The following AUTS2 variants were observed in gnomAD, a reference collection of about 807,000 sequenced individuals.
AUTS2 encodes activator of transcription and developmental regulator AUTS2.
Under a neutral mutation model 112.4 loss-of-function variants are expected in AUTS2, and 17 were observed. The ratio of observed to expected loss-of-function variants is 0.15; its 90% CI spans 0.10 to 0.23. AUTS2 has a LOEUF of 0.23. Ranked by LOEUF, AUTS2 falls within the 10% of genes least tolerant of loss-of-function variation. The pLI is 1.00. For synonymous variants in AUTS2, 751 were observed against 702.7 expected (o/e 1.07, Z -1.09); for missense variants, 1,510 against 1,701.6 (o/e 0.89, Z 1.98).
chr7:70,658,474 A>G (rs1306036594), intron 5 of AUTS2, among the ~76,000 whole-genome samples: 1 of 152,226 alleles, frequency 6.6e-6, no homozygotes, highest in African/African-American at 2.4e-5. Context: ...CACGGGGCTG[A>G]TCCGCTTTGA....
At chr7:69,868,032 A>C (rs1793313590) in intron 1 of AUTS2, among the ~76,000 whole-genome samples, 1 of 152,150 alleles carries the variant, frequency 6.6e-6, no homozygotes, top group South Asian at 2.1e-4. Context: ...ATATATTTGA[A>C]ATAAAAATAA....
At chr7:70,191,286 G>A (rs1809876284) in intron 4 of AUTS2, among the ~76,000 whole-genome samples, 1 of 146,404 alleles carries the variant, frequency 6.8e-6, no homozygotes, top group Admixed American at 7.1e-5. Context: ...TCCCACCTCA[G>A]CCTCCCTAGT....
intron 4 of AUTS2, among the ~76,000 whole-genome samples, chr7:70,353,983 T>C (rs920941895): frequency 1.3e-5 from 2 of 152,256 alleles, no homozygotes; most frequent in Non-Finnish European, 2.9e-5. Context: ...TTCCTTGGTG[T>C]GAGTTATTAG....
chr7:70,140,977 G>A (rs1192734238), intron 4 of AUTS2, among the ~76,000 whole-genome samples: 2 of 152,150 alleles, frequency 1.3e-5, no homozygotes, highest in Non-Finnish European at 2.9e-5. Context: ...ATATGTAGCT[G>A]AATTTGAAGC....
chr7:70,332,304 A>G (rs1790790348), intron 4 of AUTS2, among the ~76,000 whole-genome samples: 1 of 152,226 alleles, frequency 6.6e-6, no homozygotes, highest in Non-Finnish European at 1.5e-5. Context: ...TGTTCATAGA[A>G]ATAAGAGAGG....
intron 6 of AUTS2, among the ~76,000 whole-genome samples, chr7:70,735,788 C>G (rs1787747397): frequency 6.6e-6 from 1 of 152,142 alleles, no homozygotes; most frequent in Admixed American, 6.5e-5. Context: ...AGGCAATGTT[C>G]CATTCCCCCG....
chr7:70,711,396 A>T (rs528617199), intron 6 of AUTS2, among the ~76,000 whole-genome samples: 1 of 152,314 alleles, frequency 6.6e-6, no homozygotes, highest in African/African-American at 2.4e-5. Context: ...CTAGCACCTA[A>T]CTGACAAAAT....
chr7:70,221,614 C>T (rs936681547), intron 4 of AUTS2, among the ~76,000 whole-genome samples: 5 of 152,182 alleles, frequency 3.3e-5, no homozygotes, highest in South Asian at 4.1e-4. Flanking sequence ...ACCTATCATT[C>T]GGTGACTCAC....
At chr7:70,660,759 T>G (rs111259679) in intron 5 of AUTS2, among the ~76,000 whole-genome samples, 1,738 of 152,326 alleles carry the variant, frequency 0.011, 36 homozygotes, top group African/African-American at 0.04. Flanking sequence ...TCTGGGGCTT[T>G]GTCATGCTAT....
chr7:70,148,107 C>G (rs1380530238), intron 4 of AUTS2, among the ~76,000 whole-genome samples: 2 of 151,980 alleles, frequency 1.3e-5, no homozygotes, highest in African/African-American at 2.4e-5. Flanking sequence ...ATGAGCATTA[C>G]TCACAAATAG....
chr7:70,077,419 T>C (rs928696915), intron 2 of AUTS2, among the ~76,000 whole-genome samples: 1 of 152,284 alleles, frequency 6.6e-6, no homozygotes, highest in Non-Finnish European at 1.5e-5. Context: ...TACACAGTGT[T>C]CCATATATGT....
At chr7:69,857,115 G>C (rs1792763362) in intron 1 of AUTS2, among the ~76,000 whole-genome samples, 2 of 152,116 alleles carry the variant, frequency 1.3e-5, no homozygotes, top group African/African-American at 4.8e-5. Context: ...AGGCACCTTG[G>C]AGTGATGGAA....
At position 70,162,221 on chromosome 7, in the gene AUTS2, C is replaced by A. The variant is rs868215503; in HGVS notation, c.660+27650C>A. Among the ~76,000 whole-genome samples the A allele has an allele frequency of 1.3e-5, 2 of 151,266 alleles. 1 individual carries two copies. The highest frequency in any genetic ancestry group is 6.9e-3 in the Middle Eastern group (2 of 290). On this transcript the variant is annotated intron_variant, in intron 4 of 18. Coordinates refer to ENST00000342771, the MANE Select transcript of AUTS2 (RefSeq NM_015570.4). ...CAGCACTTTGGGAGGCCGAGGCGGG[C>A]GGATCACGAGGTCAGGAGATCGAGA...
At chr7:70,052,216 A>G (rs551533365) in intron 2 of AUTS2, among the ~76,000 whole-genome samples, 1 of 152,296 alleles carries the variant, frequency 6.6e-6, no homozygotes, top group East Asian at 1.9e-4. Context: ...ATCATTGCCT[A>G]CTTTCAGTGG....
intron 2 of AUTS2, among the ~76,000 whole-genome samples, chr7:70,050,373 A>AT (rs1443720813): frequency 6.6e-6 from 1 of 151,226 alleles, no homozygotes; most frequent in Non-Finnish European, 1.5e-5. Context: ...AAAAAAAAAA[A>AT]AAAAAATTAG....
Position 70,399,904 on chromosome 7 carries a change from G to A in AUTS2, c.661-35848G>A, listed in dbSNP as rs116929267. ...ACTCAGATTTAGTGTGCGGTGGTAA[G>A]CTATTCAGAGAGTGGAAACAATTAG... On this transcript the variant is annotated intron_variant, in intron 4 of 18. Coordinates refer to ENST00000342771, the MANE Select transcript of AUTS2 (RefSeq NM_015570.4). 6.1e-3 allele frequency among the ~76,000 whole-genome samples: 931 copies of A among 152,312 alleles called. 6 individuals are homozygous for A. The highest frequency in any genetic ancestry group is 0.034 in the Middle Eastern group (10 of 294).
rs374079435 is a variant in AUTS2 at position 70,351,175 on chromosome 7, C to T, written c.661-84577C>T. On this transcript the variant is annotated intron_variant, in intron 4 of 18. Coordinates refer to ENST00000342771, the MANE Select transcript of AUTS2 (RefSeq NM_015570.4). ...AAGCGATTCTCCTTCCTCAGCCTCC[C>T]GAATAGCTGGGATTACAGGCGTGCG... Among the ~76,000 whole-genome samples the T allele has an allele frequency of 5.9e-5, 9 of 152,086 alleles. No individual in the cohort carries two copies. The East Asian group carries it at 9.7e-4, about 16-fold the overall frequency.
At chr7:70,274,656 G>A (rs938375480) in intron 4 of AUTS2, among the ~76,000 whole-genome samples, 1 of 152,100 alleles carries the variant, frequency 6.6e-6, no homozygotes, top group Non-Finnish European at 1.5e-5. Context: ...AGGTTGATAT[G>A]CTCAAGCTTA....
In AUTS2 at chr7:69,599,575, C is replaced by G; in HGVS notation, c.-79C>G. On this transcript the variant is annotated 5_prime_UTR_variant, in exon 1 of 19. Coordinates refer to ENST00000342771, the MANE Select transcript of AUTS2 (RefSeq NM_015570.4). The surrounding 1 kb of genome is among the most constrained non-coding windows in gnomAD (Gnocchi z 7.0). Reference sequence around the variant, plus strand: ...GGAAGCCGTGAAGGGGGAGGGAGGGCTCGGTGTCAATTTTTTTTTGTGTGG... The same window carrying G: ...GGAAGCCGTGAAGGGGGAGGGAGGGGTCGGTGTCAATTTTTTTTTGTGTGG... 1 of 1,216,712 alleles carries G rather than the reference C, an allele frequency of 8.2e-7. No homozygotes were observed. The highest frequency in any genetic ancestry group is 1.0e-6 in the Non-Finnish European group (1 of 974,294). The allele number at this position is 1,216,712 out of a possible 1,614,324, so 75.4% of individuals were successfully genotyped here.
Sources: gnomAD v4.1 joint callset for allele counts (sites outside exome capture counted in the v4.1 genomes callset) on GRCh38, gnomAD v4.1.1 for gene constraint, Gnocchi (gnomAD v3.1) non-coding constraint, MANE v1.5 for transcripts, NCBI Gene and HGNC (gene_info 2026-07-23, HGNC 2026-07-21) for gene names.